CACNA1C: variants seen among roughly 807,000 people sequenced by gnomAD.
CACNA1C encodes voltage-dependent L-type calcium channel subunit alpha-1C.
CACNA1C carries 30 observed loss-of-function variants against 229.0 expected under a neutral mutation model. The ratio of observed to expected loss-of-function variants is 0.13; its 90% confidence interval spans 0.10 to 0.18. CACNA1C has a LOEUF of 0.18. Among genes scored for constraint, CACNA1C ranks in the 10% least tolerant of loss-of-function variants. The probability of loss-of-function intolerance (pLI) is 1.00; values close to 1 mark genes in which losing one functional copy is unlikely to be tolerated. For missense variants in CACNA1C, 1,658 were observed against 2,845.0 expected (o/e 0.58, Z 9.49); for synonymous variants, 1,114 against 1,132.5 (o/e 0.98, Z 0.33).
chr12:2,492,470 A>G (rs2099737610), intron 6 of CACNA1C, among the ~76,000 whole-genome samples: 1 of 152,252 alleles, frequency 6.6e-6, no homozygotes. Context: ...CAAAGGGCAG[A>G]GCTGTGAAGT....
intron 1 of CACNA1C, among the ~76,000 whole-genome samples, chr12:2,066,835 G>A (rs1203048128): frequency 6.6e-6 from 1 of 152,088 alleles, no homozygotes; most frequent in East Asian, 1.9e-4. Flanking sequence ...ATGAGGAAAC[G>A]TAGAGGGGCA....
chr12:1,993,399 T>C, intron 1 of CACNA1C: 1 of 1,608,688 alleles, frequency 6.2e-7, no homozygotes, highest in Non-Finnish European at 8.5e-7. Context: ...GACCTAAAAA[T>C]CACAAGGAGT....
intron 1 of CACNA1C, among the ~76,000 whole-genome samples, chr12:2,066,078 G>A (rs542551102): frequency 3.3e-5 from 5 of 152,204 alleles, no homozygotes; most frequent in Non-Finnish European, 7.4e-5. Flanking sequence ...TAGGGGAGTC[G>A]AGGCTGCAGG....
chr12:2,509,532 T>A (rs928935708), intron 8 of CACNA1C, among the ~76,000 whole-genome samples: 13 of 152,182 alleles, frequency 8.5e-5, no homozygotes, highest in African/African-American at 2.9e-4. Flanking sequence ...TTATTTAATA[T>A]ATATGATTGA....
chr12:2,611,842 G>C, intron 28 of CACNA1C, 61 bp from the exon 29 acceptor site: 2 of 1,054,176 alleles, frequency 1.9e-6, no homozygotes, highest in Non-Finnish European at 2.9e-6. Flanking sequence ...TGGGCAAAAG[G>C]TGGGGAGGAG....
At chr12:2,069,945 C>T (rs1291740435) in intron 1 of CACNA1C, among the ~76,000 whole-genome samples, 3 of 152,138 alleles carry the variant, frequency 2.0e-5, no homozygotes, top group Non-Finnish European at 2.9e-5. Context: ...GCTGGGACTA[C>T]AAGTGTCTGC....
intron 1 of CACNA1C, among the ~76,000 whole-genome samples, chr12:2,060,743 A>G (rs1023521771): frequency 9.9e-5 from 15 of 152,166 alleles, no homozygotes; most frequent in Non-Finnish European, 1.5e-4. Flanking sequence ...CTTTTAATAC[A>G]CTCGGCTACA....
At chr12:2,115,163 T>A in intron 1 of CACNA1C, 61 bp from the exon 2 acceptor site, 1 of 1,267,084 alleles carries the variant, frequency 7.9e-7, no homozygotes, top group Non-Finnish European at 1.1e-6. Flanking sequence ...GTCCAGAGAG[T>A]GTCGGAAGTG....
chr12:2,668,610 T>C (rs1046091212), intron 37 of CACNA1C: 8 of 266,606 alleles, frequency 3.0e-5, no homozygotes, highest in African/African-American at 1.7e-4. Context: ...CAATCAATCA[T>C]GGTGGAAGGC....
At chr12:2,446,486 G>T (rs1418040824) in intron 3 of CACNA1C, among the ~76,000 whole-genome samples, 2 of 147,066 alleles carry the variant, frequency 1.4e-5, no homozygotes, top group African/African-American at 5.1e-5. Context: ...ACTGACGGAT[G>T]GGTGCGTCAG....
At chr12:2,430,122 C>T (rs1434019824) in intron 3 of CACNA1C, among the ~76,000 whole-genome samples, 1 of 152,110 alleles carries the variant, frequency 6.6e-6, no homozygotes. Flanking sequence ...AAGGGGTGAG[C>T]TAGCTCTCCT....
chr12:2,526,636 C>T (rs73252709), intron 9 of CACNA1C, among the ~76,000 whole-genome samples: 2,890 of 152,322 alleles, frequency 0.019, 83 homozygotes, highest in African/African-American at 0.066. Flanking sequence ...CCAGAGTCAT[C>T]CCTCCTCAAA....
intron 3 of CACNA1C, among the ~76,000 whole-genome samples, chr12:2,442,810 G>T (rs1227618707): frequency 6.6e-6 from 1 of 152,146 alleles, no homozygotes; most frequent in East Asian, 1.9e-4. Context: ...ATGGAGCAGG[G>T]AGGTGCCACA....
At position 2,680,134 on chromosome 12, in the gene CACNA1C, C is replaced by T. The variant is rs1195903765; in HGVS notation, c.5444+338C>T. Among the ~76,000 whole-genome samples, 6 of 152,178 alleles carry T rather than the reference C, an allele frequency of 3.9e-5. 1 individual carries two copies. In the East Asian group the frequency reaches 5.8e-4, roughly 15 times the overall value. On this transcript the variant is annotated intron_variant, in intron 42 of 46. Transcript: ENST00000399655. ...AGAAACCATCCCGTCTGCCCTTCCC[C>T]GAGTCTCTGCCCAAACCTGGCCTTT...
intron 8 of CACNA1C, among the ~76,000 whole-genome samples, chr12:2,511,649 A>G (rs935906461): frequency 1.8e-4 from 27 of 152,070 alleles, no homozygotes; most frequent in African/African-American, 6.0e-4. Context: ...GCATATCAAA[A>G]CCAAAAATAC....
chr12:2,504,664 C>A lies in CACNA1C; in HGVS notation c.1114-178C>A. 1.3e-6 allele frequency: 1 copy of A among 765,626 alleles called. No homozygotes were observed. The allele number at this position is 765,626 out of a possible 1,614,324, so 47.4% of individuals were successfully genotyped here. On this transcript the variant is annotated intron_variant, in intron 7 of 46. Transcript: ENST00000399655. This position sits in a 1 kb window ranked among gnomAD's most constrained non-coding sequence, Gnocchi z 6.8. ...AGGCCCAGGAAAACCACAACAAAGC[C>A]TCTGTTCAACCACAGATTCTGACCC... is the stretch of plus-strand genomic sequence containing the variant.
chr12:2,135,679 C>T (rs547390603), intron 3 of CACNA1C, among the ~76,000 whole-genome samples: 2,441 of 142,886 alleles, frequency 0.017, 144 homozygotes, highest in African/African-American at 0.047. Flanking sequence ...GATCTCCAGC[C>T]GCGTGCTGGG....
chr12:2,497,126 G>A (rs1211325674), intron 7 of CACNA1C, among the ~76,000 whole-genome samples: 1 of 152,048 alleles, frequency 6.6e-6, no homozygotes, highest in Non-Finnish European at 1.5e-5. Context: ...CATGGTCTAC[G>A]CATGAGCCAT....
intron 3 of CACNA1C, among the ~76,000 whole-genome samples, chr12:2,243,074 A>G (rs2071309580): frequency 6.6e-6 from 1 of 152,148 alleles, no homozygotes; most frequent in Non-Finnish European, 1.5e-5. Flanking sequence ...CTGTCTTTGT[A>G]AGCTGTTAAG....
Sources: gnomAD v4.1 joint callset for allele counts (sites outside exome capture counted in the v4.1 genomes callset) on GRCh38, gnomAD v4.1.1 for gene constraint, Gnocchi (gnomAD v3.1) non-coding constraint, MANE v1.5 for transcripts, NCBI Gene and HGNC (gene_info 2026-07-23, HGNC 2026-07-21) for gene names.